Variants in PPP2R5D observed in about 807,000 individuals in gnomAD.
PPP2R5D encodes the protein protein phosphatase 2 regulatory subunit B'delta, also known as serine/threonine-protein phosphatase 2A 56 kDa regulatory subunit delta isoform.
In PPP2R5D, 12 loss-of-function variants were observed where a neutral mutation model predicts 79.1. The ratio of observed to expected loss-of-function variants is 0.15; its 90% CI spans 0.10 to 0.25. The LOEUF (loss-of-function observed/expected upper bound fraction) is 0.25, where lower values mean the gene tolerates loss of function less well. PPP2R5D is among the 10% of genes least tolerant of loss of function. PPP2R5D has a pLI of 1.00. For synonymous variants in PPP2R5D, 277 were observed against 286.6 expected, an observed-to-expected ratio of 0.97 and a Z score of 0.34; for missense variants, 419 against 760.2, an observed-to-expected ratio of 0.55 and a Z score of 5.28.
At chr6:42,993,282 A>G (rs2150255768) in intron 2 of PPP2R5D, among the ~76,000 whole-genome samples, 1 of 149,446 alleles carries the variant, frequency 6.7e-6, no homozygotes, top group Non-Finnish European at 1.5e-5. Flanking sequence ...AGGCAACAAG[A>G]GCGAAACTCC....
rs970289776 is a variant in PPP2R5D, at chr6:43,010,396, A to G, written c.1380-72A>G. On this transcript the variant is annotated intron_variant, in intron 12 of 15. Transcript: ENST00000485511. The surrounding 1 kb of genome is among the most constrained non-coding windows in gnomAD (Gnocchi z 4.7). ...CTCTTAGCAGAGATACCCCTGTGAG[A>G]GAACAAATTGGGTTCCTCACGCTAA... 8.1e-7 allele frequency: 1 copy of G among 1,229,522 alleles called. No homozygotes were observed. Among genetic ancestry groups the G allele is most frequent in the Non-Finnish European group, 1.2e-6 (1 of 833,990 alleles). 76.2% of individuals were successfully genotyped at this position (1,229,522 alleles called of 1,614,324 possible).
chr6:42,997,538 TC>T (rs1396427496), intron 2 of PPP2R5D, among the ~76,000 whole-genome samples: 1 of 151,138 alleles, frequency 6.6e-6, no homozygotes, highest in Non-Finnish European at 1.5e-5. Flanking sequence ...AGATGGAGTT[TC>T]GCTCTTGTTG....
chr6:43,006,471 G>GCAGCCC lies in PPP2R5D; in HGVS notation c.135_140dup (p.Pro46_Gln47dup). ...GTGACTTGTTTGACCAGGCCCAGCC[G>GCAGCCC]CAGCCCCAGCCCCAGCCCCAGCCCC... is the stretch of plus-strand genomic sequence containing the variant. On this transcript the variant is annotated inframe_insertion, in exon 3 of 16. Transcript: ENST00000485511. This position sits in a 1 kb window ranked among gnomAD's most constrained non-coding sequence, Gnocchi z 4.7. The GCAGCCC allele has an allele frequency of 6.4e-5, 103 of 1,612,866 alleles. 1 individual carries two copies. The highest frequency in any genetic ancestry group is 5.1e-4 in the Middle Eastern group (3 of 5,914).
intron 2 of PPP2R5D, among the ~76,000 whole-genome samples, chr6:42,994,496 G>A (rs191906733): frequency 6.9e-4 from 104 of 151,786 alleles, no homozygotes; most frequent in African/African-American, 2.3e-3. Flanking sequence ...CTGCAGGTAA[G>A]GGTCTTTCTT....
intron 2 of PPP2R5D, among the ~76,000 whole-genome samples, chr6:43,001,860 C>G (rs929268678): frequency 6.8e-6 from 1 of 146,832 alleles, no homozygotes; most frequent in Admixed American, 7.0e-5. Context: ...GCACTCCAGC[C>G]GGGTGACAGA....
At position 43,009,107 on chromosome 6, in the gene PPP2R5D, G is replaced by A. The variant is rs202054854; in HGVS notation, c.1131G>A (p.Glu377=). Residue 377 remains glutamate, a synonymous_variant, in exon 11 of 16, where the codon GAG becomes GAA. Coordinates refer to ENST00000485511, the MANE Select transcript of PPP2R5D (RefSeq NM_006245.4). This position sits in a 1 kb window ranked among gnomAD's most constrained non-coding sequence, Gnocchi z 5.6. ...KFWPKTHSPK[E]VMFLNELEEI... The stretch of plus-strand genomic sequence containing the variant: ...GGCCCAAGACCCACAGCCCCAAGGA[G>A]GTGATGTTCTTGAATGAGCTGGAGG... 1 of 1,614,144 alleles carries A rather than the reference G, an allele frequency of 6.2e-7. No homozygotes were observed. The highest frequency in any genetic ancestry group is 8.5e-7 in the Non-Finnish European group (1 of 1,180,014).
At position 43,010,788 on chromosome 6, in the gene PPP2R5D, T is replaced by TG. The variant is rs751045025; in HGVS notation, c.1554+57dup. The TG allele has an allele frequency of 6.2e-7, 1 of 1,608,182 alleles. No individual in the cohort carries two copies. The highest frequency in any genetic ancestry group is 1.1e-5 in the South Asian group (1 of 90,920). ...ACTGAGGGGCCAGCCCATCTTGAGCTGGGGGAGAGTTTGTTGGGGGAGGAA... is the reference window on the plus strand; with the variant it reads ...ACTGAGGGGCCAGCCCATCTTGAGCTGGGGGGAGAGTTTGTTGGGGGAGGAA... On this transcript the variant is annotated intron_variant, in intron 14 of 15. Coordinates refer to ENST00000485511, the MANE Select transcript of PPP2R5D (RefSeq NM_006245.4). This position sits in a 1 kb window ranked among gnomAD's most constrained non-coding sequence, Gnocchi z 4.7.
chr6:42,996,939 A>G (rs1286429793), intron 2 of PPP2R5D, among the ~76,000 whole-genome samples: 1 of 152,068 alleles, frequency 6.6e-6, no homozygotes, highest in African/African-American at 2.4e-5. Context: ...TGGTAATTGT[A>G]TGTTTCATCT....
intron 2 of PPP2R5D, among the ~76,000 whole-genome samples, chr6:42,996,421 G>A (rs897097973): frequency 1.3e-5 from 2 of 150,584 alleles, no homozygotes; most frequent in Admixed American, 6.6e-5. Context: ...CCGAGATGGC[G>A]CCACTGCACT....
At position 43,008,972 on chromosome 6, in the gene PPP2R5D, TG is replaced by T; in HGVS notation, c.1081-80del. The T allele has an allele frequency of 1.3e-6, 2 of 1,490,124 alleles. No individual in the cohort carries two copies. Among genetic ancestry groups the T allele is most frequent in the African/African-American group, 1.4e-5 (1 of 72,090 alleles). The allele number at this position is 1,490,124 out of a possible 1,614,324, so 92.3% of individuals were successfully genotyped here. A position where few individuals can be genotyped will look rare whatever the true frequency, so the allele number is the denominator to read the frequency against. On this transcript the variant is annotated intron_variant, in intron 10 of 15. Transcript: ENST00000485511. The surrounding 1 kb of genome is among the most constrained non-coding windows in gnomAD (Gnocchi z 4.2). Reference sequence around the variant, plus strand: ...ATCACCCAAACTGTGCCCACCAGGGTGGGGGAGAGAGCAGGTAGGAAAACTT... The same window carrying T: ...ATCACCCAAACTGTGCCCACCAGGGTGGGGAGAGAGCAGGTAGGAAAACTT...
chr6:43,002,409 C>T (rs561148906), intron 2 of PPP2R5D, among the ~76,000 whole-genome samples: 3 of 152,270 alleles, frequency 2.0e-5, no homozygotes, highest in East Asian at 1.9e-4. Flanking sequence ...GTGATCCGCC[C>T]GCCTCTGCCT....
In PPP2R5D at chr6:43,008,616, T is replaced by C. The variant is rs1762208471; in HGVS notation, c.1027-77T>C. ...CTCCATCTCCCCTTCCCTTCTGGGA[T>C]CTTGTTTCTATCACTGACTTCTCTG... On this transcript the variant is annotated intron_variant, in intron 9 of 15. Coordinates refer to ENST00000485511, the MANE Select transcript of PPP2R5D (RefSeq NM_006245.4). This position sits in a 1 kb window ranked among gnomAD's most constrained non-coding sequence, Gnocchi z 4.2. The C allele has an allele frequency of 6.5e-7, 1 of 1,533,464 alleles. No homozygotes were observed. The highest frequency in any genetic ancestry group is 1.4e-5 in the African/African-American group (1 of 73,050). The allele number at this position is 1,533,464 out of a possible 1,614,324, so 95.0% of individuals were successfully genotyped here.
chr6:42,986,226 A>T (rs1770833982), intron 1 of PPP2R5D, among the ~76,000 whole-genome samples: 1 of 151,878 alleles, frequency 6.6e-6, no homozygotes, highest in Non-Finnish European at 1.5e-5. Context: ...TGAGGTACAG[A>T]CTCACACATA....
At chr6:42,990,312 G>A (rs1217011320) in intron 2 of PPP2R5D, among the ~76,000 whole-genome samples, 1 of 152,206 alleles carries the variant, frequency 6.6e-6, no homozygotes, top group South Asian at 2.1e-4. Context: ...GATGGTGAAA[G>A]ATCCTGTGAA....
In PPP2R5D at chr6:42,996,684, AC is replaced by A. The variant is rs1771720137; in HGVS notation, c.105+6998del. ...TGATGGCAAGGGCCATGTCTTAGTC[AC>A]CTTTTAATCTTTTTTTATGGTATAG... On this transcript the variant is annotated intron_variant, in intron 2 of 15. Transcript: ENST00000485511. 2.0e-5 allele frequency among the ~76,000 whole-genome samples: 3 copies of A among 152,062 alleles called. No homozygotes were observed. The South Asian group carries it at 6.2e-4, about 31-fold the overall frequency.
chr6:43,006,722 T>C lies in PPP2R5D; in HGVS notation c.322+43T>C. ...ACAGGGGCTGTTTTACCAGTTCTAG[T>C]GGGCATCGGGAGTTGGTGGAATGGA... On this transcript the variant is annotated intron_variant, in intron 3 of 15. Coordinates refer to ENST00000485511, the MANE Select transcript of PPP2R5D (RefSeq NM_006245.4). The surrounding 1 kb of genome is among the most constrained non-coding windows in gnomAD (Gnocchi z 4.7). The C allele has an allele frequency of 6.2e-7, 1 of 1,600,800 alleles. No homozygotes were observed. Among genetic ancestry groups the C allele is most frequent in the Non-Finnish European group, 8.5e-7 (1 of 1,171,428 alleles).
chr6:42,999,469 T>G (rs1283630681), intron 2 of PPP2R5D, among the ~76,000 whole-genome samples: 1 of 152,238 alleles, frequency 6.6e-6, no homozygotes, highest in African/African-American at 2.4e-5. Flanking sequence ...CCCATTCAGC[T>G]GCTCTCCAGC....
intron 2 of PPP2R5D, among the ~76,000 whole-genome samples, chr6:43,003,587 C>T (rs183974826): frequency 6.6e-6 from 1 of 152,116 alleles, no homozygotes; most frequent in Non-Finnish European, 1.5e-5. Flanking sequence ...AATTCTACTA[C>T]AGGAGATAGT....
At chr6:42,984,812 C>T in intron 1 of PPP2R5D, 108 bp downstream of exon 1, 2 of 1,507,548 alleles carry the variant, frequency 1.3e-6, no homozygotes, top group Non-Finnish European at 8.9e-7. Context: ...CCCGTCCAGC[C>T]CCCGCAGGAC....
Sources: gnomAD v4.1 joint callset for allele counts (sites outside exome capture counted in the v4.1 genomes callset) on GRCh38, gnomAD v4.1.1 for gene constraint, Gnocchi (gnomAD v3.1) non-coding constraint, MANE v1.5 for transcripts, NCBI Gene and HGNC (gene_info 2026-07-23, HGNC 2026-07-21) for gene names.